Variants in DRC11 observed in about 807,000 individuals in gnomAD.
DRC11 encodes the protein dynein regulatory complex subunit 11, also known as IQ and AAA domain-containing protein 1.
chr2:236,471,313 T>C, the DRC11 span, among the ~76,000 whole-genome samples: 6 of 152,144 alleles, frequency 3.9e-5, no homozygotes, highest in Non-Finnish European at 7.3e-5. This position sits in a 1 kb window ranked among gnomAD's most constrained non-coding sequence, Gnocchi z 4.6. Flanking sequence ...TTGGGTACTA[T>C]AGACCATACT....
chr2:236,503,636 T>C, the DRC11 span: 11 of 1,550,650 alleles, frequency 7.1e-6, no homozygotes, highest in Non-Finnish European at 9.6e-6. This position sits in a 1 kb window ranked among gnomAD's most constrained non-coding sequence, Gnocchi z 4.9. Flanking sequence ...ATTACCTGTT[T>C]TCCTCAGCGC....
chr2:236,358,756 C>G, the DRC11 span, among the ~76,000 whole-genome samples: 2 of 149,358 alleles, frequency 1.3e-5, no homozygotes, highest in South Asian at 2.1e-4. Flanking sequence ...AAGTGACACT[C>G]AGAGTGCTGA....
the DRC11 span, among the ~76,000 whole-genome samples, chr2:236,404,052 G>A: frequency 6.6e-6 from 1 of 151,758 alleles, no homozygotes; most frequent in Non-Finnish European, 1.5e-5. Flanking sequence ...CACTTCCTGA[G>A]GTGAGGAAGG....
At chr2:236,364,384 A>C in the DRC11 span, among the ~76,000 whole-genome samples, 2 of 150,650 alleles carry the variant, frequency 1.3e-5, no homozygotes, top group East Asian at 3.9e-4. Context: ...GTGGAGACAT[A>C]GACGATAAGG....
chr2:236,377,158 C>T, the DRC11 span: 3 of 1,612,778 alleles, frequency 1.9e-6, no homozygotes, highest in Admixed American at 1.7e-5. The surrounding 1 kb of genome is among the most constrained non-coding windows in gnomAD (Gnocchi z 4.9). Context: ...CTTCTTCCAC[C>T]AGTTCCTTAT....
At chr2:236,308,707 A>G in the DRC11 span, among the ~76,000 whole-genome samples, 2 of 152,236 alleles carry the variant, frequency 1.3e-5, no homozygotes, top group African/African-American at 2.4e-5. The surrounding 1 kb of genome is among the most constrained non-coding windows in gnomAD (Gnocchi z 6.0). Flanking sequence ...ATGGTGGAAT[A>G]GTATTCCATC....
At chr2:236,472,021 T>C in the DRC11 span, among the ~76,000 whole-genome samples, 1 of 152,106 alleles carries the variant, frequency 6.6e-6, no homozygotes, top group African/African-American at 2.4e-5. The surrounding 1 kb of genome is among the most constrained non-coding windows in gnomAD (Gnocchi z 4.6). Flanking sequence ...TGCATCCCAA[T>C]ACAAAGAAAA....
chr2:236,355,698 CAT>C, the DRC11 span, among the ~76,000 whole-genome samples: 1 of 151,746 alleles, frequency 6.6e-6, no homozygotes, highest in African/African-American at 2.4e-5. Flanking sequence ...ATGAGACTAA[CAT>C]ATGTATTACA....
At chr2:236,493,030 T>TC in the DRC11 span, among the ~76,000 whole-genome samples, 1 of 152,190 alleles carries the variant, frequency 6.6e-6, no homozygotes, top group East Asian at 1.9e-4. Flanking sequence ...AAGACTTACC[T>TC]GAGACTGGGC....
At chr2:236,313,158 C>A in the DRC11 span, among the ~76,000 whole-genome samples, 1 of 152,102 alleles carries the variant, frequency 6.6e-6, no homozygotes, top group Non-Finnish European at 1.5e-5. This position sits in a 1 kb window ranked among gnomAD's most constrained non-coding sequence, Gnocchi z 4.5. Flanking sequence ...TATTTTGCTA[C>A]TGATTTTATG....
chr2:236,401,624 C>T, the DRC11 span, among the ~76,000 whole-genome samples: 23 of 152,230 alleles, frequency 1.5e-4, no homozygotes, highest in East Asian at 5.8e-4. The surrounding 1 kb of genome is among the most constrained non-coding windows in gnomAD (Gnocchi z 4.6). Flanking sequence ...GGCTACGGAG[C>T]GGAGGAAGCG....
At chr2:236,491,142 G>GTATATATATATACACAGTATATA in the DRC11 span, among the ~76,000 whole-genome samples, 19 of 39,352 alleles carry the variant, frequency 4.8e-4, 1 homozygote, top group African/African-American at 2.4e-3. Context: ...TATATATACA[G>GTATATATATATACACAGTATATA]TATATATATA....
At chr2:236,356,786 G>A in the DRC11 span, among the ~76,000 whole-genome samples, 4 of 151,528 alleles carry the variant, frequency 2.6e-5, no homozygotes. Context: ...CCTGGGGGGT[G>A]GCGGGGGTGG....
the DRC11 span, among the ~76,000 whole-genome samples, chr2:236,323,198 G>C: frequency 6.6e-6 from 1 of 152,214 alleles, no homozygotes; most frequent in Admixed American, 6.5e-5. This position sits in a 1 kb window ranked among gnomAD's most constrained non-coding sequence, Gnocchi z 6.4. Flanking sequence ...CTCTTCTTGG[G>C]CCATAAGTGG....
At chr2:236,482,093 T>TATTATATGTATAATTCTAG in the DRC11 span, among the ~76,000 whole-genome samples, 1 of 136,536 alleles carries the variant, frequency 7.3e-6, no homozygotes, top group African/African-American at 2.8e-5. This position sits in a 1 kb window ranked among gnomAD's most constrained non-coding sequence, Gnocchi z 4.5. Context: ...TATAATTCTA[T>TATTATATGTATAATTCTAG]GTATAATTCT....
At chr2:236,437,391 A>G in the DRC11 span, among the ~76,000 whole-genome samples, 2,506 of 149,054 alleles carry the variant, frequency 0.017, 74 homozygotes, top group African/African-American at 0.06. Context: ...GAATAATGCC[A>G]CAATAAACAT....
the DRC11 span, among the ~76,000 whole-genome samples, chr2:236,491,148 ATATACACACAG>A: frequency 2.6e-5 from 2 of 76,832 alleles, no homozygotes; most frequent in African/African-American, 1.2e-4. Flanking sequence ...TACAGTATAT[ATATACACACAG>A]TATATATATA....
chr2:236,335,909 C>T, the DRC11 span, among the ~76,000 whole-genome samples: 13 of 145,006 alleles, frequency 9.0e-5, 1 homozygote, highest in Middle Eastern at 3.6e-3. This position sits in a 1 kb window ranked among gnomAD's most constrained non-coding sequence, Gnocchi z 5.6. Flanking sequence ...GGCTGGACAG[C>T]GCTGCCCCCT....
chr2:236,374,325 T>C, the DRC11 span, among the ~76,000 whole-genome samples: 1 of 152,172 alleles, frequency 6.6e-6, no homozygotes, highest in Non-Finnish European at 1.5e-5. Flanking sequence ...AATGAAAATA[T>C]GGACAGGGGA....
Sources: gnomAD v4.1 joint callset for allele counts (sites outside exome capture counted in the v4.1 genomes callset) on GRCh38, gnomAD v4.1.1 for gene constraint, Gnocchi (gnomAD v3.1) non-coding constraint, MANE v1.5 for transcripts, NCBI Gene and HGNC (gene_info 2026-07-23, HGNC 2026-07-21) for gene names.